SLC5A12: variants seen among roughly 807,000 people sequenced by gnomAD.
The protein encoded by SLC5A12 is solute carrier family 5 member 12.
A neutral mutation model predicts 72.7 loss-of-function variants in SLC5A12; 46 were observed. The observed-to-expected ratio is 0.63, with a 90% CI of 0.50 to 0.81. SLC5A12 has a LOEUF of 0.81. Among genes scored for constraint, SLC5A12 ranks in the 30% least tolerant of loss-of-function variants. The pLI, the probability that SLC5A12 is intolerant of heterozygous loss-of-function variation, is 0.00. For synonymous variants in SLC5A12, 275 were observed against 264.4 expected (o/e 1.04, Z -0.39); for missense variants, 683 against 740.7 (o/e 0.92, Z 0.90).
At chr11:26,673,596 CA>C (rs1213741967) in intron 13 of SLC5A12, 67 bp from the exon 14 acceptor site, 42 of 1,443,582 alleles carry the variant, frequency 2.9e-5, no homozygotes, top group Non-Finnish European at 3.5e-5. Context: ...CAGATTTAAA[CA>C]TTGTCAACTT....
chr11:26,716,604 A>G (rs1313998925), intron 1 of SLC5A12, among the ~76,000 whole-genome samples: 8 of 152,180 alleles, frequency 5.3e-5, no homozygotes, highest in Admixed American at 1.3e-4. Context: ...TGATCCAGCC[A>G]TACTCTTTTC....
rs778779037 is a variant in SLC5A12, at chr11:26,709,338, T to C, written c.499A>G (p.Ile167Val). ...DLWGSVFATG[I>V]VCTFYCTLGG... Reference sequence around the variant, plus strand: ...AGGGTACAGTAGAATGTGCAAACAATTCCTGTTGCAAACACAGAGCCCCAG... The same window carrying C: ...AGGGTACAGTAGAATGTGCAAACAACTCCTGTTGCAAACACAGAGCCCCAG... Residue 167 changes from isoleucine to valine, a missense_variant, in exon 4 of 15, where the codon ATT (isoleucine) becomes GTT (valine). Transcript: ENST00000396005. 2 of 1,611,792 alleles carry C rather than the reference T, an allele frequency of 1.2e-6. No individual in the cohort carries two copies. The highest frequency in any genetic ancestry group is 2.2e-5 in the South Asian group (2 of 90,864).
At chr11:26,692,446 A>T in intron 9 of SLC5A12, 43 bp downstream of exon 9, 1 of 1,302,602 alleles carries the variant, frequency 7.7e-7, no homozygotes, top group African/African-American at 1.4e-5. Flanking sequence ...TACCACATGT[A>T]CATTTCATGA....
At chr11:26,699,643 ATTGCATTAGTTGTACTC>A (rs1854911366) in intron 6 of SLC5A12, among the ~76,000 whole-genome samples, 1 of 152,044 alleles carries the variant, frequency 6.6e-6, no homozygotes, top group African/African-American at 2.4e-5. Flanking sequence ...AATACCGATA[ATTGCATTAGTTGTACTC>A]TTGCTGTCTC....
chr11:26,672,162 T>C (rs1565181594), intron 14 of SLC5A12, among the ~76,000 whole-genome samples: 1 of 152,140 alleles, frequency 6.6e-6, no homozygotes. Context: ...AACTTCTGTA[T>C]TCTGAGCCTC....
In SLC5A12 at chr11:26,681,112, G is replaced by C. The variant is rs1261670541; in HGVS notation, c.1418C>G (p.Thr473Arg). The change falls in exon 12 of 15, where the codon ACA becomes AGA. Residue 473 changes from threonine to arginine, a missense_variant. By Grantham distance (71) the Thr-to-Arg change is moderately conservative. Coordinates refer to ENST00000396005, the MANE Select transcript of SLC5A12 (RefSeq NM_178498.4). ...ASKTWPLPLS[T>R]DQCIKSNVTA... ...CACATTTGATTTGATACATTGGTCT[G>C]TTGACAGAGGCAAAGGCCATGTCTT... The C allele has an allele frequency of 1.2e-6, 2 of 1,611,574 alleles. No homozygotes were observed. The highest frequency in any genetic ancestry group is 1.7e-6 in the Non-Finnish European group (2 of 1,178,768).
At chr11:26,717,652 C>G (rs978682874) in intron 1 of SLC5A12, among the ~76,000 whole-genome samples, 1 of 152,128 alleles carries the variant, frequency 6.6e-6, no homozygotes. Flanking sequence ...CTATATAACA[C>G]TCGCCTCCAA....
chr11:26,684,781 G>A (rs557529650), intron 10 of SLC5A12, among the ~76,000 whole-genome samples: 1 of 152,210 alleles, frequency 6.6e-6, no homozygotes, highest in Non-Finnish European at 1.5e-5. Flanking sequence ...AATATCTCTG[G>A]AAGAAAACAA....
At chr11:26,697,099 T>G in intron 8 of SLC5A12, 65 bp downstream of exon 8, 1 of 1,356,368 alleles carries the variant, frequency 7.4e-7, no homozygotes. Flanking sequence ...ATATTGTTGA[T>G]CACTACACCA....
rs200156198 is a variant in SLC5A12 at position 26,671,071 on chromosome 11, C to T, written c.*31G>A. On this transcript the variant is annotated 3_prime_UTR_variant, in exon 15 of 15. Transcript: ENST00000396005. ...TTTGTGTGTGTGTGTGTGTATTGCACGTGTGTGTGTGCATTCATACAGGTA... is the reference window on the plus strand; with the variant it reads ...TTTGTGTGTGTGTGTGTGTATTGCATGTGTGTGTGTGCATTCATACAGGTA... 7.5e-5 allele frequency: 113 copies of T among 1,516,252 alleles called. No individual in the cohort carries two copies. The African/African-American group carries it at 1.0e-3, about 14-fold the overall frequency. The allele number at this position is 1,516,252 out of a possible 1,614,324, so 93.9% of individuals were successfully genotyped here.
At position 26,687,599 on chromosome 11, in the gene SLC5A12, C is replaced by G. The variant is rs1854568048; in HGVS notation, c.1154-1055G>C. On this transcript the variant is annotated intron_variant, in intron 9 of 14. Coordinates refer to ENST00000396005, the MANE Select transcript of SLC5A12 (RefSeq NM_178498.4). ...TTAATCCAACAAGTATATGCACATACCCAAGAACAGTGCCTGGCACGCAGC... is the reference window on the plus strand; with the variant it reads ...TTAATCCAACAAGTATATGCACATAGCCAAGAACAGTGCCTGGCACGCAGC... Among the ~76,000 whole-genome samples the G allele has an allele frequency of 2.0e-5, 3 of 152,166 alleles. No homozygotes were observed. The South Asian group carries it at 6.2e-4, about 32-fold the overall frequency.
At chr11:26,703,471 A>G in intron 6 of SLC5A12, 60 bp downstream of exon 6, 1 of 1,543,872 alleles carries the variant, frequency 6.5e-7, no homozygotes, top group East Asian at 2.2e-5. Flanking sequence ...GTATTAATAT[A>G]TAATAAGTAC....
chr11:26,702,974 C>T (rs1015918032), intron 6 of SLC5A12, among the ~76,000 whole-genome samples: 1 of 152,132 alleles, frequency 6.6e-6, no homozygotes, highest in Non-Finnish European at 1.5e-5. Flanking sequence ...ACAGCTGTAA[C>T]CAATCAAATA....
intron 10 of SLC5A12, among the ~76,000 whole-genome samples, chr11:26,684,587 G>T (rs989353617): frequency 6.6e-6 from 1 of 152,022 alleles, no homozygotes; most frequent in Admixed American, 6.6e-5. Flanking sequence ...CTTAAACTGC[G>T]TGGCACACAT....
intron 3 of SLC5A12, among the ~76,000 whole-genome samples, chr11:26,710,930 A>C (rs899015520): frequency 1.3e-5 from 2 of 152,052 alleles, no homozygotes; most frequent in Non-Finnish European, 2.9e-5. Flanking sequence ...TATTACAAGC[A>C]ACTTTTATAC....
intron 1 of SLC5A12, among the ~76,000 whole-genome samples, chr11:26,713,813 C>T (rs1415818084): frequency 6.6e-6 from 1 of 152,016 alleles, no homozygotes; most frequent in African/African-American, 2.4e-5. Context: ...TTCACTGGGT[C>T]AAAATCAAAG....
intron 10 of SLC5A12, 45 bp from the exon 11 acceptor site, chr11:26,683,888 T>C (rs1278633572): frequency 6.8e-7 from 1 of 1,476,002 alleles, no homozygotes; most frequent in Admixed American, 1.9e-5. Flanking sequence ...CTCAAGGGCA[T>C]CTGTGACTTC....
intron 6 of SLC5A12, among the ~76,000 whole-genome samples, chr11:26,702,700 A>T (rs1159140794): frequency 6.6e-6 from 1 of 152,174 alleles, no homozygotes; most frequent in Non-Finnish European, 1.5e-5. Context: ...GAGTCAGAGC[A>T]GCTGAGTTCC....
At chr11:26,706,860 C>T (rs969664134) in intron 4 of SLC5A12, among the ~76,000 whole-genome samples, 1 of 149,934 alleles carries the variant, frequency 6.7e-6, no homozygotes, top group Admixed American at 6.7e-5. Flanking sequence ...TAATATAAAA[C>T]ATTTAATAAT....
Sources: gnomAD v4.1 joint callset for allele counts (sites outside exome capture counted in the v4.1 genomes callset) on GRCh38, gnomAD v4.1.1 for gene constraint, MANE v1.5 for transcripts, NCBI Gene and HGNC (gene_info 2026-07-23, HGNC 2026-07-21) for gene names.